SLF1: variants seen among roughly 807,000 people sequenced by gnomAD.
SLF1 encodes SMC5/6 complex localization factor 1, also known as SMC5-SMC6 complex localization factor protein 1.
Under a neutral mutation model 123.0 loss-of-function variants are expected in SLF1, and 105 were observed. The ratio of observed to expected loss-of-function variants is 0.85; its 90% CI spans 0.73 to 1.00. The LOEUF (loss-of-function observed/expected upper bound fraction) is 1.00. SLF1 is among the 50% of genes least tolerant of loss of function. The pLI, the probability that SLF1 is intolerant of heterozygous loss-of-function variation, is 0.00. For synonymous variants in SLF1, 434 were observed against 406.6 expected (o/e 1.07, Z -0.81); for missense variants, 1,239 against 1,223.0 (o/e 1.01, Z -0.20).
intron 19 of SLF1, 45 bp from the exon 20 acceptor site, chr5:94,692,029 G>C (rs758332754): frequency 1.3e-6 from 2 of 1,590,820 alleles, no homozygotes; most frequent in East Asian, 4.5e-5. Context: ...TCTACCAAAA[G>C]TCCTACTTCT....
At chr5:94,656,917 A>G (rs1015734507) in intron 9 of SLF1, among the ~76,000 whole-genome samples, 9 of 150,512 alleles carry the variant, frequency 6.0e-5, no homozygotes, top group Non-Finnish European at 1.2e-4. Context: ...TTAACTTTTA[A>G]AAAAAATTAA....
At chr5:94,640,242 T>G (rs1313587354) in intron 4 of SLF1, among the ~76,000 whole-genome samples, 1 of 152,202 alleles carries the variant, frequency 6.6e-6, no homozygotes, top group Non-Finnish European at 1.5e-5. Context: ...TTTTGGAAGA[T>G]ATTTTTACTG....
rs201153902 is a variant in SLF1 at position 94,649,596 on chromosome 5, A to G, written c.737A>G (p.Gln246Arg). ...GALRETMYRTQKEMQNHEDVN... is the reference protein window; with the variant it reads ...GALRETMYRTRKEMQNHEDVN... ...TTAAGAGAGACCATGTATAGAACCC[A>G]GGTAAACTTTATAGGCTGAAAAACA... The change falls in exon 6 of 21, where the codon CAG (glutamine) becomes CGG (arginine). Residue 246 changes from glutamine to arginine, a missense_variant and splice_region_variant. Transcript: ENST00000265140. The G allele has an allele frequency of 9.4e-4, 1,375 of 1,468,618 alleles. 9 individuals are homozygous for G. Among genetic ancestry groups the G allele is most frequent in the South Asian group, 8.0e-3 (579 of 72,058 alleles). The allele number at this position is 1,468,618 out of a possible 1,614,324, so 91.0% of individuals were successfully genotyped here.
chr5:94,688,697 C>G (rs1236475828), intron 17 of SLF1, 28 bp downstream of exon 17: 1 of 1,611,140 alleles, frequency 6.2e-7, no homozygotes, highest in African/African-American at 1.3e-5. Flanking sequence ...CCCAGCTGTG[C>G]TTTGTTTTGG....
At chr5:94,691,480 G>T in intron 18 of SLF1, 84 bp from the exon 19 acceptor site, 2 of 1,110,190 alleles carry the variant, frequency 1.8e-6, no homozygotes, top group Non-Finnish European at 2.6e-6. Flanking sequence ...CATGGGGCCA[G>T]ATCTCCTAGT....
intron 6 of SLF1, among the ~76,000 whole-genome samples, 193 bp downstream of exon 6, chr5:94,649,790 T>C (rs1485695320): frequency 6.6e-6 from 1 of 152,202 alleles, no homozygotes; most frequent in East Asian, 1.9e-4. Context: ...GTAATGTTTG[T>C]ATGCATATAG....
chr5:94,657,018 T>C (rs1407851069), intron 9 of SLF1, among the ~76,000 whole-genome samples: 1 of 149,012 alleles, frequency 6.7e-6, no homozygotes, highest in Non-Finnish European at 1.5e-5. Context: ...TATATATCTT[T>C]AATAAATATT....
intron 1 of SLF1, among the ~76,000 whole-genome samples, chr5:94,623,280 A>T (rs1314982059): frequency 1.3e-5 from 2 of 152,164 alleles, no homozygotes; most frequent in African/African-American, 4.8e-5. Flanking sequence ...CTATGCATAA[A>T]GGCCAACTCT....
chr5:94,677,966 G>A (rs1006314463), intron 14 of SLF1, among the ~76,000 whole-genome samples: 3 of 151,304 alleles, frequency 2.0e-5, no homozygotes, highest in African/African-American at 7.3e-5. Context: ...TGTCACCCAG[G>A]CTGGAGTGCA....
At chr5:94,687,266 C>T (rs1336158779) in intron 16 of SLF1, among the ~76,000 whole-genome samples, 1 of 152,136 alleles carries the variant, frequency 6.6e-6, no homozygotes, top group Non-Finnish European at 1.5e-5. Context: ...GAGACTGAGG[C>T]GGGAGGATTG....
intron 17 of SLF1, 133 bp downstream of exon 17, chr5:94,688,802 C>A: frequency 1.1e-6 from 1 of 943,654 alleles, no homozygotes. Context: ...AATTTTAGAT[C>A]TATTTGATCA....
chr5:94,628,831 G>A lies in SLF1; in HGVS notation c.21G>A (p.Lys7=). 6.5e-7 allele frequency: 1 copy of A among 1,546,472 alleles called. No individual in the cohort carries two copies. Among genetic ancestry groups the A allele is most frequent in the Non-Finnish European group, 8.7e-7 (1 of 1,144,846 alleles). The change falls in exon 2 of 21, where the codon AAG becomes AAA. Residue 7 remains lysine, a synonymous_variant. Transcript: ENST00000265140. MEDGTP[K]HIIQMTGFKM... Reference sequence around the variant, plus strand: ...GTTAGATGGAAGATGGTACCCCAAAGCATATCATCCAGATGACAGGATTTA... The same window carrying A: ...GTTAGATGGAAGATGGTACCCCAAAACATATCATCCAGATGACAGGATTTA...
chr5:94,649,691 C>A, intron 6 of SLF1, 94 bp downstream of exon 6: 2 of 1,201,372 alleles, frequency 1.7e-6, no homozygotes, highest in Non-Finnish European at 2.2e-6. Flanking sequence ...ATTTTGGAAT[C>A]AGAAGGCTGG....
intron 4 of SLF1, among the ~76,000 whole-genome samples, chr5:94,635,135 C>T (rs1745609070): frequency 7.0e-6 from 1 of 142,776 alleles, no homozygotes; most frequent in African/African-American, 2.6e-5. Context: ...GTAGTTTATC[C>T]CGTGTTTTTT....
intron 14 of SLF1, 200 bp from the exon 15 acceptor site, chr5:94,678,608 A>G (rs959093328): frequency 5.8e-5 from 24 of 412,150 alleles, no homozygotes; most frequent in Non-Finnish European, 9.6e-5. Flanking sequence ...TGCTTTGTTA[A>G]CTCTTTTGTC....
intron 4 of SLF1, among the ~76,000 whole-genome samples, chr5:94,632,431 C>G (rs1243886781): frequency 6.6e-6 from 1 of 152,124 alleles, no homozygotes; most frequent in Non-Finnish European, 1.5e-5. Flanking sequence ...AAAATGCAAA[C>G]TGGTATTTTG....
chr5:94,677,808 A>G (rs1751259754), intron 14 of SLF1, among the ~76,000 whole-genome samples: 1 of 152,190 alleles, frequency 6.6e-6, no homozygotes, highest in Non-Finnish European at 1.5e-5. Flanking sequence ...GATTAGAAAA[A>G]TACTTTCAAA....
At chr5:94,653,482 A>C in intron 8 of SLF1, 61 bp downstream of exon 8, 1 of 1,319,980 alleles carries the variant, frequency 7.6e-7, no homozygotes, top group Non-Finnish European at 1.0e-6. Flanking sequence ...CTCTGATATA[A>C]TCTAGATATA....
chr5:94,627,576 T>C (rs565759460), intron 1 of SLF1, among the ~76,000 whole-genome samples: 1 of 93,130 alleles, frequency 1.1e-5, no homozygotes, highest in Non-Finnish European at 2.3e-5. Flanking sequence ...TTGTAAATGA[T>C]GAAATTAACA....
Sources: gnomAD v4.1 joint callset for allele counts (sites outside exome capture counted in the v4.1 genomes callset) on GRCh38, gnomAD v4.1.1 for gene constraint, MANE v1.5 for transcripts, NCBI Gene and HGNC (gene_info 2026-07-23, HGNC 2026-07-21) for gene names.